The following ATP2B1 variants were observed in gnomAD, a reference collection of about 807,000 sequenced individuals.
ATP2B1 encodes the protein plasma membrane calcium-transporting ATPase 1.
In ATP2B1, 14 loss-of-function variants were observed where a neutral mutation model predicts 124.2. The ratio of observed to expected loss-of-function variants is 0.11; its 90% CI spans 0.07 to 0.18. ATP2B1 has a LOEUF of 0.18. Ranked by LOEUF, ATP2B1 falls within the 10% of genes least tolerant of loss-of-function variation. The pLI is 1.00. For synonymous variants in ATP2B1, 449 were observed against 492.4 expected (o/e 0.91, Z 1.17); for missense variants, 763 against 1,466.1 (o/e 0.52, Z 7.83).
chr12:89,598,793 A>G (rs1486960754), intron 20 of ATP2B1: 1 of 1,596,780 alleles, frequency 6.3e-7, no homozygotes, highest in East Asian at 2.2e-5. Flanking sequence ...AGAGAGAGAG[A>G]ACAAGAGAAA....
intron 1 of ATP2B1, among the ~76,000 whole-genome samples, chr12:89,678,706 G>A (rs1320400763): frequency 6.6e-6 from 1 of 152,084 alleles, no homozygotes; most frequent in Non-Finnish European, 1.5e-5. Context: ...CCTGTATACT[G>A]CCAGAAAGGC....
At chr12:89,639,810 T>G (rs1883243048) in intron 3 of ATP2B1, among the ~76,000 whole-genome samples, 1 of 152,096 alleles carries the variant, frequency 6.6e-6, no homozygotes, top group East Asian at 1.9e-4. Context: ...CAGTTTGAAT[T>G]CCAAAAAGAT....
chr12:89,603,918 G>A lies in ATP2B1; in HGVS notation c.2642C>T (p.Pro881Leu). The A allele has an allele frequency of 6.2e-7, 1 of 1,613,548 alleles. No individual in the cohort carries two copies. Among genetic ancestry groups the A allele is most frequent in the Non-Finnish European group, 8.5e-7 (1 of 1,179,772 alleles). Residue 881 changes from proline (P) to leucine (L), a missense_variant, in exon 17 of 21, where the codon CCG (proline) becomes CTG (leucine). Around this residue, in one of 7 missense-constraint regions of ATP2B1, gnomAD observed 51 missense variants for 192.8 expected, o/e 0.26. Transcript: ENST00000428670. The surrounding 1 kb of genome is among the most constrained non-coding windows in gnomAD (Gnocchi z 4.3). ...FTGACITQDS[P>L]LKAVQMLWVN... ...CCACAGCATCTGCACAGCCTTAAGC[G>A]GTGAGTCCTAGAAAAGATATGTTTC...
intron 1 of ATP2B1, among the ~76,000 whole-genome samples, chr12:89,703,752 A>G (rs1480880825): frequency 6.6e-6 from 1 of 152,154 alleles, no homozygotes; most frequent in African/African-American, 2.4e-5. Flanking sequence ...AAATATTTTC[A>G]ATTTATCAGT....
At position 89,629,078 on chromosome 12, in the gene ATP2B1, T is replaced by C. The variant is rs116806075; in HGVS notation, c.929-1362A>G. Reference sequence around the variant, plus strand: ...TTCTAGACTAGATTAATAAAACCAGTGTATAAGACTCAGGGGGAAAAGAAG... The same window carrying C: ...TTCTAGACTAGATTAATAAAACCAGCGTATAAGACTCAGGGGGAAAAGAAG... On this transcript the variant is annotated intron_variant, in intron 6 of 20. Transcript: ENST00000428670. 6.0e-3 allele frequency among the ~76,000 whole-genome samples: 913 copies of C among 152,236 alleles called. 9 individuals carry two copies. Among genetic ancestry groups the C allele is most frequent in the African/African-American group, 0.021 (853 of 41,536 alleles).
intron 20 of ATP2B1, chr12:89,598,605 A>T: frequency 6.2e-7 from 1 of 1,613,828 alleles, no homozygotes; most frequent in Non-Finnish European, 8.5e-7. Context: ...ACAGTAGTAG[A>T]AGCAGTAGAA....
intron 3 of ATP2B1, among the ~76,000 whole-genome samples, chr12:89,638,730 T>C (rs1029745753): frequency 4.6e-5 from 7 of 152,190 alleles, no homozygotes; most frequent in Non-Finnish European, 8.8e-5. Flanking sequence ...TGCAGTATGA[T>C]TGATAAAACT....
intron 20 of ATP2B1, among the ~76,000 whole-genome samples, chr12:89,596,307 G>T (rs1874601031): frequency 6.6e-6 from 1 of 152,022 alleles, no homozygotes; most frequent in Non-Finnish European, 1.5e-5. Flanking sequence ...GACAAATCTG[G>T]AATGTAGAAC....
intron 1 of ATP2B1, among the ~76,000 whole-genome samples, chr12:89,703,093 C>T (rs1205952577): frequency 1.3e-5 from 2 of 152,004 alleles, no homozygotes; most frequent in Non-Finnish European, 2.9e-5. Flanking sequence ...AACAGGTTCC[C>T]AACAGTCTTG....
chr12:89,604,987 GTCA>G, intron 15 of ATP2B1, among the ~76,000 whole-genome samples: 1 of 152,176 alleles, frequency 6.6e-6, no homozygotes, highest in African/African-American at 2.4e-5. Context: ...TAATAACAAT[GTCA>G]TCAACAGGAG....
chr12:89,651,826 G>A (rs1885294135), intron 2 of ATP2B1, among the ~76,000 whole-genome samples: 1 of 152,098 alleles, frequency 6.6e-6, no homozygotes, highest in South Asian at 2.1e-4. Flanking sequence ...GAGACTCTGG[G>A]TAAACTGCTT....
chr12:89,666,779 T>G (rs1179225970), intron 1 of ATP2B1, among the ~76,000 whole-genome samples: 1 of 152,162 alleles, frequency 6.6e-6, no homozygotes, highest in Non-Finnish European at 1.5e-5. Context: ...TGTTCCTCTT[T>G]CAATTCCAAG....
chr12:89,703,989 A>G (rs1892158769), intron 1 of ATP2B1, among the ~76,000 whole-genome samples: 1 of 152,214 alleles, frequency 6.6e-6, no homozygotes, highest in African/African-American at 2.4e-5. Context: ...TTCTTCATGC[A>G]CATTAATGCT....
intron 20 of ATP2B1, among the ~76,000 whole-genome samples, chr12:89,592,640 C>T (rs1873802351): frequency 6.6e-6 from 1 of 152,004 alleles, no homozygotes; most frequent in African/African-American, 2.4e-5. Context: ...GGTGTAAATT[C>T]CAGCTCTGCC....
chr12:89,609,910 T>G lies in ATP2B1; in HGVS notation c.2442+27A>C, dbSNP rs760479036. On this transcript the variant is annotated intron_variant, in intron 15 of 20. Transcript: ENST00000428670. ...AACAAACCAGTCAGTAAATTACGTT[T>G]GGATATTTGAATGAGTAAATTCTTA... is the stretch of plus-strand genomic sequence containing the variant. 26 of 1,594,102 alleles carry G rather than the reference T, an allele frequency of 1.6e-5. 1 individual carries two copies. The highest frequency in any genetic ancestry group is 1.3e-5 in the African/African-American group (1 of 74,456).
intron 5 of ATP2B1, among the ~76,000 whole-genome samples, chr12:89,634,023 G>T (rs557469132): frequency 6.6e-6 from 1 of 152,208 alleles, no homozygotes; most frequent in South Asian, 2.1e-4. Flanking sequence ...TGTTTTGGAA[G>T]CGAACTTGTA....
chr12:89,603,667 A>G lies in ATP2B1; in HGVS notation c.2848+45T>C, dbSNP rs767585954. On this transcript the variant is annotated intron_variant, in intron 17 of 20. Transcript: ENST00000428670. This position sits in a 1 kb window ranked among gnomAD's most constrained non-coding sequence, Gnocchi z 4.3. ...ATAACATCTTGGATGATTAGCTTGGAAAAGAAACAATTAACTGAAGCTTTA... is the reference window on the plus strand; with the variant it reads ...ATAACATCTTGGATGATTAGCTTGGGAAAGAAACAATTAACTGAAGCTTTA... 12 of 1,575,322 alleles carry G rather than the reference A, an allele frequency of 7.6e-6. No individual in the cohort carries two copies. In the South Asian group the frequency reaches 1.3e-4, roughly 17 times the overall value.
intron 12 of ATP2B1, 46 bp downstream of exon 12, chr12:89,616,756 A>G (rs758977621): frequency 3.9e-6 from 6 of 1,557,906 alleles, no homozygotes; most frequent in Non-Finnish European, 5.3e-6. Context: ...TAGGTCCTCT[A>G]TAGTTATGAG....
intron 18 of ATP2B1, 135 bp from the exon 19 acceptor site, chr12:89,601,568 C>T: frequency 2.1e-6 from 1 of 480,162 alleles, no homozygotes; most frequent in East Asian, 3.5e-5. Context: ...ATATTAGTCA[C>T]AACTGAAAAT....
Sources: gnomAD v4.1 joint callset for allele counts (sites outside exome capture counted in the v4.1 genomes callset) on GRCh38, gnomAD v4.1.1 for gene constraint, gnomAD v4.1.1 regional missense constraint, Gnocchi (gnomAD v3.1) non-coding constraint, MANE v1.5 for transcripts, NCBI Gene and HGNC (gene_info 2026-07-23, HGNC 2026-07-21) for gene names.